The following LRRTM4 variants were observed in gnomAD, a reference collection of about 807,000 sequenced individuals.
The protein encoded by LRRTM4 is leucine rich repeat transmembrane neuronal 4.
LRRTM4 carries 25 observed loss-of-function variants against 47.6 expected under a neutral mutation model. The ratio of observed to expected loss-of-function variants is 0.53; its 90% confidence interval spans 0.38 to 0.73. The LOEUF (loss-of-function observed/expected upper bound fraction) is 0.73. Ranked by LOEUF, LRRTM4 falls within the 30% of genes least tolerant of loss-of-function variation. The pLI is 0.00. For synonymous variants in LRRTM4, 311 were observed against 269.5 expected, an observed-to-expected ratio of 1.15 and a Z score of -1.51; for missense variants, 638 against 713.4, an observed-to-expected ratio of 0.89 and a Z score of 1.20.
chr2:76,807,381 TTTA>T (rs1256848507), intron 3 of LRRTM4, among the ~76,000 whole-genome samples: 7 of 107,476 alleles, frequency 6.5e-5, no homozygotes, highest in African/African-American at 2.4e-4. Context: ...AAACATTCAT[TTTA>T]TATATATATA....
chr2:76,985,800 C>T (rs1034925770), intron 3 of LRRTM4, among the ~76,000 whole-genome samples: 8 of 151,934 alleles, frequency 5.3e-5, no homozygotes, highest in Admixed American at 3.3e-4. Context: ...TAATGTACTA[C>T]GCACGCATCA....
intron 3 of LRRTM4, among the ~76,000 whole-genome samples, chr2:77,097,157 T>C (rs971127306): frequency 6.6e-6 from 1 of 151,896 alleles, no homozygotes; most frequent in Non-Finnish European, 1.5e-5. Context: ...TTTTATATAA[T>C]GATAAAAATG....
intron 3 of LRRTM4, among the ~76,000 whole-genome samples, chr2:77,216,095 C>CCA (rs1674432293): frequency 1.3e-5 from 2 of 151,704 alleles, no homozygotes; most frequent in African/African-American, 2.4e-5. Context: ...AACTGCCCCC[C>CCA]CACCCAGCAA....
chr2:77,442,196 T>C (rs755627177), intron 3 of LRRTM4, among the ~76,000 whole-genome samples: 27 of 152,164 alleles, frequency 1.8e-4, no homozygotes, highest in Non-Finnish European at 2.9e-4. Flanking sequence ...ACTGATTTAT[T>C]TCACCTGTGT....
chr2:77,146,883 C>T (rs1193772737), intron 3 of LRRTM4, among the ~76,000 whole-genome samples: 1 of 152,084 alleles, frequency 6.6e-6, no homozygotes, highest in African/African-American at 2.4e-5. Flanking sequence ...TCAAAAATTA[C>T]TTGAGTTATG....
At chr2:77,370,283 G>T (rs78062974) in intron 3 of LRRTM4, among the ~76,000 whole-genome samples, 83 of 151,598 alleles carry the variant, frequency 5.5e-4, no homozygotes, top group African/African-American at 1.8e-3. Context: ...TGCCTGGAAA[G>T]AATCAAAAAA....
At chr2:76,814,798 CACACACAT>C (rs968216532) in intron 3 of LRRTM4, among the ~76,000 whole-genome samples, 1 of 46,948 alleles carries the variant, frequency 2.1e-5, no homozygotes, top group African/African-American at 1.3e-4. Context: ...TCAAGATACA[CACACACAT>C]ACACACACAC....
At chr2:76,887,129 A>G (rs2104134307) in intron 3 of LRRTM4, among the ~76,000 whole-genome samples, 1 of 152,014 alleles carries the variant, frequency 6.6e-6, no homozygotes, top group East Asian at 1.9e-4. Context: ...GTAAATGAAA[A>G]AAAACACAGA....
intron 3 of LRRTM4, among the ~76,000 whole-genome samples, chr2:77,268,975 C>T (rs537766596): frequency 1.9e-4 from 29 of 152,198 alleles, no homozygotes; most frequent in Non-Finnish European, 3.7e-4. Flanking sequence ...TTTGCACAGG[C>T]CTTCCAGGTG....
At chr2:76,916,384 C>CAAAAAAAAAAAAAAAAAAAAAAAAAAA (rs57874749) in intron 3 of LRRTM4, among the ~76,000 whole-genome samples, 3 of 53,508 alleles carry the variant, frequency 5.6e-5, no homozygotes, top group East Asian at 7.3e-4. Flanking sequence ...GACTGTGTCT[C>CAAAAAAAAAAAAAAAAAAAAAAAAAAA]AAAAAAAAAA....
At chr2:77,424,594 G>C (rs1442594748) in intron 3 of LRRTM4, among the ~76,000 whole-genome samples, 1 of 152,152 alleles carries the variant, frequency 6.6e-6, no homozygotes, top group Non-Finnish European at 1.5e-5. Flanking sequence ...GTCTTTGTTA[G>C]CAACTTTCTG....
chr2:77,093,775 T>C (rs1670725204), intron 3 of LRRTM4, among the ~76,000 whole-genome samples: 2 of 151,940 alleles, frequency 1.3e-5, no homozygotes, highest in African/African-American at 2.4e-5. Flanking sequence ...GAATATGCCC[T>C]GCCCCGCCTT....
At chr2:77,108,724 C>T (rs1671168288) in intron 3 of LRRTM4, among the ~76,000 whole-genome samples, 1 of 151,724 alleles carries the variant, frequency 6.6e-6, no homozygotes. Context: ...GCTGGGACTA[C>T]AGGCGCCCGC....
chr2:76,826,790 C>A (rs10520165), intron 3 of LRRTM4, among the ~76,000 whole-genome samples: 14,062 of 151,810 alleles, frequency 0.093, 1,049 homozygotes, highest in East Asian at 0.29. Context: ...CATTAACCAT[C>A]CTCTCAAAAT....
intron 3 of LRRTM4, among the ~76,000 whole-genome samples, chr2:77,389,034 T>C (rs1673397604): frequency 6.6e-6 from 1 of 152,016 alleles, no homozygotes; most frequent in Non-Finnish European, 1.5e-5. Context: ...CAATGGAGGA[T>C]TTTCCATAAT....
At chr2:77,086,188 A>T (rs188580597) in intron 3 of LRRTM4, among the ~76,000 whole-genome samples, 2 of 152,318 alleles carry the variant, frequency 1.3e-5, no homozygotes, top group South Asian at 2.1e-4. Flanking sequence ...ATACTAATTC[A>T]CTTAATCCTG....
intron 3 of LRRTM4, among the ~76,000 whole-genome samples, chr2:77,445,183 C>T (rs556069371): frequency 6.6e-6 from 1 of 152,090 alleles, no homozygotes; most frequent in South Asian, 2.1e-4. Flanking sequence ...TGCTTGCCAT[C>T]CCTAAGGCCT....
chr2:76,957,973 A>G (rs554128852), intron 3 of LRRTM4, among the ~76,000 whole-genome samples: 10 of 151,676 alleles, frequency 6.6e-5, no homozygotes, highest in African/African-American at 2.4e-4. Context: ...TAATCAACAT[A>G]AAGTCTTTTA....
intron 3 of LRRTM4, among the ~76,000 whole-genome samples, chr2:76,982,008 A>T (rs188088570): frequency 6.6e-6 from 1 of 152,082 alleles, no homozygotes; most frequent in African/African-American, 2.4e-5. Flanking sequence ...AAGGGGGCTT[A>T]TAACAACTTA....
Sources: gnomAD v4.1 joint callset for allele counts (sites outside exome capture counted in the v4.1 genomes callset) on GRCh38, gnomAD v4.1.1 for gene constraint, MANE v1.5 for transcripts, NCBI Gene and HGNC (gene_info 2026-07-23, HGNC 2026-07-21) for gene names.